Variants in TANC1 observed in about 807,000 individuals in gnomAD.
TANC1 encodes protein TANC1.
In TANC1, 77 loss-of-function variants were observed where a neutral mutation model predicts 149.7. The observed-to-expected ratio is 0.51, with a 90% CI of 0.43 to 0.62. TANC1 has a LOEUF of 0.62. Ranked by LOEUF, TANC1 falls within the 20% of genes least tolerant of loss-of-function variation. TANC1 has a pLI of 0.00. For missense variants in TANC1, 1,985 were observed against 2,321.8 expected (o/e 0.85, Z 2.98); for synonymous variants, 854 against 925.0 (o/e 0.92, Z 1.39).
chr2:159,216,239 C>T (rs2059337100), intron 19 of TANC1, among the ~76,000 whole-genome samples: 1 of 152,186 alleles, frequency 6.6e-6, no homozygotes, highest in Non-Finnish European at 1.5e-5. Flanking sequence ...TCTTGTGTTG[C>T]CCCATTTTCA....
At chr2:159,083,498 A>G (rs1284685191) in intron 3 of TANC1, among the ~76,000 whole-genome samples, 1 of 150,710 alleles carries the variant, frequency 6.6e-6, no homozygotes, top group Non-Finnish European at 1.5e-5. Flanking sequence ...GAGAAATAAC[A>G]AAGGAAGAGT....
At chr2:159,157,454 G>C (rs777544648) in intron 7 of TANC1, among the ~76,000 whole-genome samples, 1 of 152,168 alleles carries the variant, frequency 6.6e-6, no homozygotes, top group Non-Finnish European at 1.5e-5. Flanking sequence ...AATGTGGCCT[G>C]GTGGCTTGAA....
At chr2:159,089,332 T>C (rs2045292953) in intron 3 of TANC1, among the ~76,000 whole-genome samples, 1 of 152,206 alleles carries the variant, frequency 6.6e-6, no homozygotes, top group Non-Finnish European at 1.5e-5. Flanking sequence ...ACTAGGGTAT[T>C]GGGAGAGGCC....
chr2:159,162,891 T>G (rs990265944), intron 7 of TANC1, among the ~76,000 whole-genome samples: 11 of 152,212 alleles, frequency 7.2e-5, no homozygotes, highest in Non-Finnish European at 1.3e-4. Flanking sequence ...GCAAATGTTT[T>G]TAATTTGGAA....
At chr2:159,187,097 G>C in intron 16 of TANC1, 73 bp downstream of exon 16, 2 of 1,566,960 alleles carry the variant, frequency 1.3e-6, no homozygotes, top group Non-Finnish European at 8.7e-7. Flanking sequence ...CAACAGCCCT[G>C]TTTCCCTCTG....
rs753550253 is a variant in TANC1 at position 159,116,453 on chromosome 2, AC to A, written c.259+18620del. ...AAAAACAACAACAACAACAACAACAACAAAAAAAAAAAAACAAAGGACCTGT... is the reference window on the plus strand; with the variant it reads ...AAAAACAACAACAACAACAACAACAAAAAAAAAAAAAAACAAAGGACCTGT... On this transcript the variant is annotated intron_variant, in intron 4 of 26. Coordinates refer to ENST00000263635, the MANE Select transcript of TANC1 (RefSeq NM_033394.3). Among the ~76,000 whole-genome samples, 1,191 of 136,466 alleles carry A rather than the reference AC, an allele frequency of 8.7e-3. 3 individuals carry two copies. The highest frequency in any genetic ancestry group is 0.031 in the Middle Eastern group (8 of 256). The allele number at this position is 136,466 out of a possible 152,430, so 89.5% of individuals were successfully genotyped here. A position where few individuals can be genotyped will look rare whatever the true frequency, so the allele number is the denominator to read the frequency against.
intron 2 of TANC1, chr2:159,060,214 T>A: frequency 4.1e-6 from 1 of 246,166 alleles, no homozygotes; most frequent in Non-Finnish European, 6.5e-6. Flanking sequence ...CTTAATTAAG[T>A]GTACCTTAGT....
At chr2:159,061,359 C>G (rs1054938806) in intron 2 of TANC1, among the ~76,000 whole-genome samples, 1 of 152,176 alleles carries the variant, frequency 6.6e-6, no homozygotes, top group African/African-American at 2.4e-5. Flanking sequence ...TTGCCTTTCT[C>G]CCCTGAAGCA....
intron 14 of TANC1, among the ~76,000 whole-genome samples, chr2:159,183,975 G>A (rs537054771): frequency 2.6e-4 from 40 of 152,304 alleles, no homozygotes; most frequent in African/African-American, 8.7e-4. Flanking sequence ...GTCAGACGTG[G>A]TGCCAGTGAT....
chr2:159,127,845 A>G (rs1409292649), intron 4 of TANC1, among the ~76,000 whole-genome samples: 1 of 152,238 alleles, frequency 6.6e-6, no homozygotes, highest in Non-Finnish European at 1.5e-5. Flanking sequence ...CATTTTGCAC[A>G]TGTATCCTGG....
Position 159,227,937 on chromosome 2 carries a change from A to T in TANC1, c.4022A>T (p.Asn1341Ile). The T allele has an allele frequency of 6.2e-7, 1 of 1,613,176 alleles. No individual in the cohort carries two copies. The highest frequency in any genetic ancestry group is 8.5e-7 in the Non-Finnish European group (1 of 1,179,746). ...GAATTAAGGGTTTCCCTCTATCTCA[A>T]TTTGTCGCGATGCCGAAGAAAAACA... ...FNELRVSLYL[N>I]LSRCRRKTND... The change falls in exon 25 of 27, where the codon AAT becomes ATT. Residue 1341 changes from asparagine to isoleucine, a missense_variant. Around this residue, in one of 3 missense-constraint regions of TANC1, gnomAD observed 920 missense variants for 994.7 expected, o/e 0.92. Transcript: ENST00000263635.
intron 2 of TANC1, among the ~76,000 whole-genome samples, chr2:159,062,968 C>T (rs1228912317): frequency 3.1e-4 from 5 of 16,096 alleles, no homozygotes; most frequent in East Asian, 2.1e-3. Context: ...AGCGAGACTC[C>T]GTCTCAAAAA....
chr2:159,150,320 G>T, intron 6 of TANC1, 50 bp from the exon 7 acceptor site: 4 of 1,483,458 alleles, frequency 2.7e-6, no homozygotes, highest in Non-Finnish European at 2.8e-6. Context: ...AGCATGTGTC[G>T]AAGCATCCTG....
chr2:158,969,595 G>A (rs1379302566), intron 1 of TANC1, among the ~76,000 whole-genome samples: 2 of 152,238 alleles, frequency 1.3e-5, no homozygotes, highest in Non-Finnish European at 2.9e-5. Flanking sequence ...CAGCGCTGTG[G>A]GTGTGCGGGG....
chr2:159,069,423 A>G (rs563111952), intron 3 of TANC1, among the ~76,000 whole-genome samples: 28 of 152,294 alleles, frequency 1.8e-4, no homozygotes, highest in Middle Eastern at 3.4e-3. Context: ...GATCTAAAAT[A>G]AGCAAACGAG....
chr2:159,062,991 A>AAAAAAAAAAAAAAAAAAAAAAAAAAG (rs1553534848), intron 2 of TANC1, among the ~76,000 whole-genome samples: 2 of 147,092 alleles, frequency 1.4e-5, no homozygotes, highest in Non-Finnish European at 3.0e-5. Context: ...AAAAAAAAAA[A>AAAAAAAAAAAAAAAAAAAAAAAAAAG]AAAAGAAAGC....
At chr2:159,023,629 A>G (rs2039010210) in intron 2 of TANC1, among the ~76,000 whole-genome samples, 1 of 152,124 alleles carries the variant, frequency 6.6e-6, no homozygotes, top group African/African-American at 2.4e-5. Flanking sequence ...GGCATGTGCC[A>G]TGGCCCCTGG....
At chr2:158,979,257 G>A (rs62182243) in intron 1 of TANC1, among the ~76,000 whole-genome samples, 3,156 of 152,188 alleles carry the variant, frequency 0.021, 45 homozygotes, top group Middle Eastern at 0.054. Flanking sequence ...GGGAGGCTGA[G>A]GTAGGAGGAT....
At chr2:159,065,830 A>G in intron 2 of TANC1, 66 bp from the exon 3 acceptor site, 1 of 1,351,506 alleles carries the variant, frequency 7.4e-7, no homozygotes, top group Non-Finnish European at 1.1e-6. Flanking sequence ...CTCTTTTGTC[A>G]AGACACAAGT....
Sources: gnomAD v4.1 joint callset for allele counts (sites outside exome capture counted in the v4.1 genomes callset) on GRCh38, gnomAD v4.1.1 for gene constraint, gnomAD v4.1.1 regional missense constraint, MANE v1.5 for transcripts, NCBI Gene and HGNC (gene_info 2026-07-23, HGNC 2026-07-21) for gene names.